AKIRIN2: variants seen among roughly 807,000 people sequenced by gnomAD.
AKIRIN2 encodes akirin-2.
AKIRIN2 carries 6 observed loss-of-function variants against 29.3 expected under a neutral mutation model. That is an observed-to-expected ratio of 0.20 (90% CI 0.11 to 0.40). AKIRIN2 has a LOEUF of 0.40. AKIRIN2 is among the 10% of genes least tolerant of loss of function. The pLI is 1.00. For missense variants in AKIRIN2, 210 were observed against 276.1 expected, an observed-to-expected ratio of 0.76 and a Z score of 1.70; for synonymous variants, 128 against 117.5, an observed-to-expected ratio of 1.09 and a Z score of -0.58.
At chr6:87,694,332 G>T (rs1207303386) in intron 1 of AKIRIN2, among the ~76,000 whole-genome samples, 1 of 152,062 alleles carries the variant, frequency 6.6e-6, no homozygotes, top group African/African-American at 2.4e-5. Flanking sequence ...CTATCAAAGG[G>T]GAAATGAATA....
chr6:87,676,695 G>A (rs1187060473), intron 3 of AKIRIN2, among the ~76,000 whole-genome samples: 1 of 151,490 alleles, frequency 6.6e-6, no homozygotes, highest in Non-Finnish European at 1.5e-5. Context: ...CAGGAGAATC[G>A]CTTGAGCCCG....
intron 1 of AKIRIN2, among the ~76,000 whole-genome samples, chr6:87,687,300 TG>T (rs1771202954): frequency 6.6e-6 from 1 of 150,590 alleles, no homozygotes; most frequent in African/African-American, 2.5e-5. Context: ...CCCAGCACTT[TG>T]GGTGGCTAAG....
chr6:87,683,057 GAGA>G (rs1321884362), intron 1 of AKIRIN2, among the ~76,000 whole-genome samples: 3 of 151,882 alleles, frequency 2.0e-5, no homozygotes, highest in Admixed American at 1.3e-4. Context: ...ATTTCCCTAG[GAGA>G]AGAACTTTTA....
chr6:87,683,387 C>A (rs1314557885), intron 1 of AKIRIN2, among the ~76,000 whole-genome samples: 3 of 152,092 alleles, frequency 2.0e-5, no homozygotes, highest in Admixed American at 6.6e-5. Context: ...ATTTTCAGTT[C>A]TTTTCCATTT....
intron 1 of AKIRIN2, among the ~76,000 whole-genome samples, chr6:87,682,170 C>G (rs936721939): frequency 1.3e-5 from 2 of 152,162 alleles, no homozygotes; most frequent in Admixed American, 6.5e-5. Context: ...CTTTTCCAAG[C>G]CCATAAATAA....
chr6:87,701,439 C>G lies in AKIRIN2; in HGVS notation c.235+11G>C. The G allele has an allele frequency of 6.5e-7, 1 of 1,531,070 alleles. No homozygotes were observed. Among genetic ancestry groups the G allele is most frequent in the East Asian group, 2.6e-5 (1 of 38,510 alleles). The allele number at this position is 1,531,070 out of a possible 1,614,324, so 94.8% of individuals were successfully genotyped here. On this transcript the variant is annotated intron_variant, in intron 1 of 4. Coordinates refer to ENST00000257787, the MANE Select transcript of AKIRIN2 (RefSeq NM_018064.4). ...CTCCACTACCCCGGCGGCCGCGGGG[C>G]CGGGTCCCACCTGTGGTGAGGCGGG... is the stretch of plus-strand genomic sequence containing the variant.
At chr6:87,689,229 C>T (rs975452394) in intron 1 of AKIRIN2, among the ~76,000 whole-genome samples, 1 of 152,152 alleles carries the variant, frequency 6.6e-6, no homozygotes, top group African/African-American at 2.4e-5. Context: ...GGGCCAGGCG[C>T]GGTGGCTCAT....
At chr6:87,680,814 T>A (rs1771109090) in intron 2 of AKIRIN2, among the ~76,000 whole-genome samples, 1 of 132,058 alleles carries the variant, frequency 7.6e-6, no homozygotes, top group Non-Finnish European at 1.6e-5. Context: ...TTTGCAAACA[T>A]TCCCCCCAAC....
rs1771469581 is a variant in AKIRIN2, at chr6:87,701,701, G to A, written c.-17C>T. The A allele has an allele frequency of 1.4e-6, 2 of 1,436,528 alleles. No individual in the cohort carries two copies. Among genetic ancestry groups the A allele is most frequent in the Non-Finnish European group, 1.8e-6 (2 of 1,096,102 alleles). 89.0% of individuals were successfully genotyped at this position (1,436,528 alleles called of 1,614,324 possible). On this transcript the variant is annotated 5_prime_UTR_variant, in exon 1 of 5. Coordinates refer to ENST00000257787, the MANE Select transcript of AKIRIN2 (RefSeq NM_018064.4). Reference sequence around the variant, plus strand: ...GCACGCCATGGCCGGGGGCAGCTGAGGCGCCGGGCTCGGGTGGGGTCGGGG... The same window carrying A: ...GCACGCCATGGCCGGGGGCAGCTGAAGCGCCGGGCTCGGGTGGGGTCGGGG...
chr6:87,676,447 C>CAAAA (rs71021319), intron 3 of AKIRIN2, among the ~76,000 whole-genome samples: 118 of 41,486 alleles, frequency 2.8e-3, no homozygotes, highest in African/African-American at 3.8e-3. Flanking sequence ...GCCTGGGCAA[C>CAAAA]AAAAAAAAAA....
In AKIRIN2 at chr6:87,701,500, A is replaced by C. The variant is rs1345731517; in HGVS notation, c.185T>G (p.Leu62Arg). The change falls in exon 1 of 5, where the codon CTC (leucine) becomes CGC (arginine). Residue 62 changes from leucine (L) to arginine (R), a missense_variant. This residue lies in a region of AKIRIN2 where 199 missense variants were observed against 236.5 expected (regional missense o/e 0.84). Coordinates refer to ENST00000257787, the MANE Select transcript of AKIRIN2 (RefSeq NM_018064.4). ...GCCGAAGGGGGATGGCTCCATTCGG[A>C]GATACTTCTGCGGCGAGGCGGCCGC... is the stretch of plus-strand genomic sequence containing the variant. ...SAAAASPQKY[L>R]RMEPSPFGDV... The C allele has an allele frequency of 2.0e-6, 3 of 1,484,754 alleles. No individual in the cohort carries two copies. Among genetic ancestry groups the C allele is most frequent in the South Asian group, 1.3e-5 (1 of 77,870 alleles). 92.0% of individuals were successfully genotyped at this position (1,484,754 alleles called of 1,614,324 possible).
intron 1 of AKIRIN2, 38 bp downstream of exon 1, chr6:87,701,412 C>T: frequency 1.3e-6 from 2 of 1,529,824 alleles, no homozygotes; most frequent in Non-Finnish European, 1.8e-6. Context: ...GTTCCCAGTT[C>T]TCTCCACTAC....
chr6:87,676,032 A>G, intron 3 of AKIRIN2, 101 bp from the exon 4 acceptor site: 5 of 945,856 alleles, frequency 5.3e-6, no homozygotes, highest in Non-Finnish European at 8.1e-6. Flanking sequence ...CTAAGTTGAC[A>G]AAATCACTTA....
chr6:87,694,016 G>A (rs898197368), intron 1 of AKIRIN2, among the ~76,000 whole-genome samples: 1 of 152,162 alleles, frequency 6.6e-6, no homozygotes, highest in African/African-American at 2.4e-5. Context: ...GGACAGTAAT[G>A]TTTGAAAAAT....
intron 1 of AKIRIN2, among the ~76,000 whole-genome samples, chr6:87,693,602 G>C (rs891045179): frequency 4.0e-5 from 6 of 151,708 alleles, no homozygotes; most frequent in Non-Finnish European, 8.8e-5. Context: ...GTGCGCACCT[G>C]TAATCCCAGT....
In AKIRIN2 at chr6:87,675,437, CA is replaced by C; in HGVS notation, c.*159del. The C allele has an allele frequency of 2.0e-6, 2 of 994,950 alleles. No individual in the cohort carries two copies. The highest frequency in any genetic ancestry group is 3.0e-6 in the Non-Finnish European group (2 of 657,342). 61.6% of individuals were successfully genotyped at this position (994,950 alleles called of 1,614,324 possible). On this transcript the variant is annotated 3_prime_UTR_variant, in exon 5 of 5. Coordinates refer to ENST00000257787, the MANE Select transcript of AKIRIN2 (RefSeq NM_018064.4). ...GTGGTACTGACATCAGGGAAATTTC[CA>C]AAACCAGTTGCTGCTGCCTAAGAGT... is the stretch of plus-strand genomic sequence containing the variant.
In AKIRIN2 at chr6:87,702,193, A is replaced by C; in HGVS notation, c.-509T>G. ...AGGTAGCTGCCGCAGCAGGAACCCA[A>C]GCGAACACGTCCAACCGCTTCCCCT... On this transcript the variant is annotated 5_prime_UTR_variant, in exon 1 of 5. Transcript: ENST00000257787. The C allele has an allele frequency of 2.5e-6, 1 of 398,100 alleles. No homozygotes were observed. The highest frequency in any genetic ancestry group is 4.4e-6 in the Non-Finnish European group (1 of 225,840). The allele number at this position is 398,100 out of a possible 1,614,324, so 24.7% of individuals were successfully genotyped here.
At chr6:87,680,821 C>G (rs917669811) in intron 2 of AKIRIN2, among the ~76,000 whole-genome samples, 2 of 135,884 alleles carry the variant, frequency 1.5e-5, no homozygotes, top group African/African-American at 5.6e-5. Context: ...ACATTCCCCC[C>G]AACAAAAAGT....
Position 87,677,832 on chromosome 6 carries a change from T to C in AKIRIN2, c.515A>G (p.Asn172Ser), listed in dbSNP as rs773780262. The stretch of plus-strand genomic sequence containing the variant: ...ACACCTCATACCTGCAAGTTTTGTG[T>C]TCAATATTTCTTCATATTCTTCTCG... ...KVREEYEEILNTKLAEQYDAF... is the reference protein window; with the variant it reads ...KVREEYEEILSTKLAEQYDAF... Residue 172 changes from asparagine to serine, a missense_variant, in exon 3 of 5, where the codon AAC (asparagine) becomes AGC (serine). Physicochemically the swap from Asn to Ser is conservative, Grantham distance 46. Around this residue, in one of 2 missense-constraint regions of AKIRIN2, gnomAD observed 199 missense variants for 236.5 expected, o/e 0.84. Transcript: ENST00000257787. 9 of 1,613,958 alleles carry C rather than the reference T, an allele frequency of 5.6e-6. No individual in the cohort carries two copies. The highest frequency in any genetic ancestry group is 7.6e-6 in the Non-Finnish European group (9 of 1,179,934).
Sources: gnomAD v4.1 joint callset for allele counts (sites outside exome capture counted in the v4.1 genomes callset) on GRCh38, gnomAD v4.1.1 for gene constraint, gnomAD v4.1.1 regional missense constraint, MANE v1.5 for transcripts, NCBI Gene and HGNC (gene_info 2026-07-23, HGNC 2026-07-21) for gene names.